Variants in STK10 observed in about 807,000 individuals in gnomAD.
STK10 encodes the protein serine/threonine kinase 10.
A neutral mutation model predicts 113.8 loss-of-function variants in STK10; 78 were observed. That is an observed-to-expected ratio of 0.69 (90% CI 0.57 to 0.83). The LOEUF (loss-of-function observed/expected upper bound fraction) is 0.83. Among genes scored for constraint, STK10 ranks in the 40% least tolerant of loss-of-function variants. The probability of loss-of-function intolerance (pLI) is 0.00; values close to 1 mark genes in which losing one functional copy is unlikely to be tolerated. For missense variants in STK10, 1,109 were observed against 1,280.1 expected (o/e 0.87, Z 2.04); for synonymous variants, 465 against 494.7 (o/e 0.94, Z 0.80).
chr5:172,055,503 A>C, intron 16 of STK10, 85 bp downstream of exon 16: 1 of 1,260,934 alleles, frequency 7.9e-7, no homozygotes, highest in Non-Finnish European at 1.0e-6. Context: ...CATATTCTCC[A>C]AAACTGTATA....
rs373624338 is a variant in STK10, at chr5:172,044,999, C to T, written c.2790G>A (p.Gln930=). The T allele has an allele frequency of 5.6e-6, 9 of 1,614,226 alleles. No individual in the cohort carries two copies. Among genetic ancestry groups the T allele is most frequent in the Non-Finnish European group, 7.6e-6 (9 of 1,180,050 alleles). ...RKKALEEDLN[Q]KKREQEMFFK... Reference sequence around the variant, plus strand: ...AGAACATCTCCTGCTCCCGCTTCTTCTGGTTCAGATCCTCTTCCAGAGCCT... The same window carrying T: ...AGAACATCTCCTGCTCCCGCTTCTTTTGGTTCAGATCCTCTTCCAGAGCCT... The change falls in exon 19 of 19, where the codon CAG becomes CAA. Residue 930 remains glutamine (Q), a synonymous_variant. Transcript: ENST00000176763. The surrounding 1 kb of genome is among the most constrained non-coding windows in gnomAD (Gnocchi z 4.5).
chr5:172,165,012 C>A (rs1770542329), intron 1 of STK10, among the ~76,000 whole-genome samples: 1 of 152,206 alleles, frequency 6.6e-6, no homozygotes, highest in South Asian at 2.1e-4. Context: ...CCCCCTTGTA[C>A]CCGCAAGGGG....
chr5:172,181,101 C>A (rs1770847140), intron 1 of STK10, among the ~76,000 whole-genome samples: 1 of 152,196 alleles, frequency 6.6e-6, no homozygotes, highest in Admixed American at 6.5e-5. Flanking sequence ...GAGCCACACC[C>A]ATGTGCATCT....
intron 1 of STK10, among the ~76,000 whole-genome samples, chr5:172,163,363 A>G (rs1318300258): frequency 6.6e-6 from 1 of 152,156 alleles, no homozygotes; most frequent in Non-Finnish European, 1.5e-5. Flanking sequence ...CATTTCCCCC[A>G]AAGACCTTTC....
At position 172,087,778 on chromosome 5, in the gene STK10, G is replaced by A. The variant is rs1177420551; in HGVS notation, c.1685+2454C>T. Among the ~76,000 whole-genome samples the A allele has an allele frequency of 1.3e-3, 166 of 131,210 alleles. 15 individuals are homozygous for A. Among genetic ancestry groups the A allele is most frequent in the Non-Finnish European group, 2.2e-3 (139 of 62,084 alleles). The allele number at this position is 131,210 out of a possible 152,430, so 86.1% of individuals were successfully genotyped here. ...CGAGTAGCTGGGACTACAGGCGCCC[G>A]CCACCGCGCCCGGCTAATTTTTTGT... On this transcript the variant is annotated intron_variant, in intron 10 of 18. Coordinates refer to ENST00000176763, the MANE Select transcript of STK10 (RefSeq NM_005990.4).
intron 1 of STK10, among the ~76,000 whole-genome samples, chr5:172,161,190 G>A (rs933476183): frequency 2.6e-5 from 4 of 152,154 alleles, no homozygotes; most frequent in African/African-American, 4.8e-5. Flanking sequence ...GGTGGCGCAC[G>A]CCTGTAATCC....
intron 1 of STK10, among the ~76,000 whole-genome samples, chr5:172,175,957 A>G (rs1770751859): frequency 6.6e-6 from 1 of 152,160 alleles, no homozygotes; most frequent in Admixed American, 6.5e-5. Context: ...ACATGTAGGA[A>G]CTGAGCAAAA....
At chr5:172,097,817 T>C (rs953951549) in intron 7 of STK10, among the ~76,000 whole-genome samples, 1 of 152,216 alleles carries the variant, frequency 6.6e-6, no homozygotes, top group Non-Finnish European at 1.5e-5. Context: ...TCTAGGTTTT[T>C]ATACAAATGT....
intron 12 of STK10, among the ~76,000 whole-genome samples, chr5:172,068,334 T>C (rs4867664): frequency 0.35 from 52,519 of 151,134 alleles, 9,240 homozygotes; most frequent in Admixed American, 0.39. Context: ...AGCGAGACTC[T>C]GTCTCAAAAA....
At chr5:172,140,050 T>A (rs1307783152) in intron 2 of STK10, among the ~76,000 whole-genome samples, 1 of 151,746 alleles carries the variant, frequency 6.6e-6, no homozygotes, top group East Asian at 1.9e-4. Flanking sequence ...CAGGGGTTAA[T>A]CTCCAAAATA....
intron 5 of STK10, among the ~76,000 whole-genome samples, chr5:172,107,263 T>C (rs143173082): frequency 1.6e-3 from 251 of 152,122 alleles, no homozygotes; most frequent in African/African-American, 5.5e-3. Flanking sequence ...GTAATGCACA[T>C]GAAAAAATTG....
At chr5:172,137,761 C>T (rs60159936) in intron 2 of STK10, among the ~76,000 whole-genome samples, 3,796 of 148,414 alleles carry the variant, frequency 0.026, 153 homozygotes, top group African/African-American at 0.09. Flanking sequence ...GGCGTGGTGG[C>T]GGGCGCCTGT....
chr5:172,111,436 C>T (rs775231946), intron 4 of STK10, among the ~76,000 whole-genome samples: 2 of 152,234 alleles, frequency 1.3e-5, no homozygotes, highest in African/African-American at 2.4e-5. Context: ...CAGGCACGCA[C>T]CAGCCAGCTC....
intron 1 of STK10, among the ~76,000 whole-genome samples, chr5:172,166,409 G>A (rs1581187965): frequency 6.6e-6 from 1 of 152,078 alleles, no homozygotes; most frequent in African/African-American, 2.4e-5. Context: ...CTCTCTCTGG[G>A]GCTGTTCCAG....
intron 1 of STK10, among the ~76,000 whole-genome samples, chr5:172,161,469 A>G (rs1049449864): frequency 6.6e-6 from 1 of 152,082 alleles, no homozygotes; most frequent in African/African-American, 2.4e-5. Flanking sequence ...AAAAAATAAA[A>G]AAATACTGAG....
At chr5:172,058,640 A>G (rs1030783828) in intron 14 of STK10, among the ~76,000 whole-genome samples, 1 of 152,166 alleles carries the variant, frequency 6.6e-6, no homozygotes, top group Non-Finnish European at 1.5e-5. Flanking sequence ...CCGTAGTCCC[A>G]GCATTTTGGG....
At chr5:172,110,253 G>C (rs1182635082) in intron 4 of STK10, among the ~76,000 whole-genome samples, 2 of 152,228 alleles carry the variant, frequency 1.3e-5, no homozygotes, top group East Asian at 3.8e-4. Flanking sequence ...GTGCACAGTA[G>C]GGGGTGTGAC....
At chr5:172,178,683 C>T (rs1770800608) in intron 1 of STK10, among the ~76,000 whole-genome samples, 2 of 152,260 alleles carry the variant, frequency 1.3e-5, no homozygotes, top group Admixed American at 1.3e-4. Context: ...CTAAATGGCA[C>T]AGCCGGGATG....
At chr5:172,111,742 AAG>A (rs1769242242) in intron 4 of STK10, among the ~76,000 whole-genome samples, 1 of 152,240 alleles carries the variant, frequency 6.6e-6, no homozygotes, top group Non-Finnish European at 1.5e-5. Context: ...TCCATAAAGA[AAG>A]AGATCATTTC....
Sources: allele counts gnomAD v4.1 joint callset (sites outside exome capture counted in the v4.1 genomes callset), GRCh38; gene constraint gnomAD v4.1.1; non-coding constraint Gnocchi (gnomAD v3.1); transcripts MANE v1.5; gene names NCBI Gene and HGNC (gene_info 2026-07-23, HGNC 2026-07-21).